The following ZPLD1 variants were observed in gnomAD, a reference collection of about 807,000 sequenced individuals.
The protein encoded by ZPLD1 is zona pellucida like domain containing 1, also known as zona pellucida-like domain-containing protein 1.
Under a neutral mutation model 47.2 loss-of-function variants are expected in ZPLD1, and 34 were observed. That is an observed-to-expected ratio of 0.72 (90% confidence interval 0.55 to 0.96). ZPLD1 has a LOEUF of 0.96. Among genes scored for constraint, ZPLD1 ranks in the 40% least tolerant of loss-of-function variants. ZPLD1 has a pLI of 0.00. For missense variants in ZPLD1, 512 were observed against 505.8 expected (o/e 1.01, Z -0.12); for synonymous variants, 176 against 186.2 (o/e 0.95, Z 0.45).
At chr3:102,430,539 C>CA (rs1445784728), upstream of ZPLD1, among the ~76,000 whole-genome samples, 1 of 151,968 alleles carries the variant, frequency 6.6e-6, no homozygotes, top group Admixed American at 6.6e-5. Flanking sequence ...AACTGCTCAC[C>CA]AAAAATATGT....
chr3:102,424,630 G>A (rs1706920343), intron 8 of ZPLD1, among the ~76,000 whole-genome samples: 1 of 150,828 alleles, frequency 6.6e-6, no homozygotes, highest in Non-Finnish European at 1.5e-5. Flanking sequence ...TTGCTGTCTT[G>A]TTCTAAACTG....
intron 6 of ZPLD1, among the ~76,000 whole-genome samples, chr3:102,459,332 C>A (rs1472609300): frequency 1.3e-5 from 2 of 151,916 alleles, no homozygotes; most frequent in Non-Finnish European, 2.9e-5. Context: ...TTGAGTGAGA[C>A]AAAGATGAGA....
intron 3 of ZPLD1, among the ~76,000 whole-genome samples, chr3:102,441,660 T>G (rs973389122): frequency 6.6e-6 from 1 of 152,118 alleles, no homozygotes; most frequent in Non-Finnish European, 1.5e-5. Context: ...CAGAATGTGA[T>G]TCACATCACA....
intron 10 of ZPLD1, among the ~76,000 whole-genome samples, chr3:102,474,822 G>A (rs1224674165): frequency 6.6e-6 from 1 of 151,992 alleles, no homozygotes; most frequent in Admixed American, 6.6e-5. Flanking sequence ...CAAAAGTTTG[G>A]TATTCCAATC....
chr3:102,397,439 T>C (rs1033726246), intron 7 of ZPLD1, among the ~76,000 whole-genome samples: 2 of 152,070 alleles, frequency 1.3e-5, no homozygotes, highest in Admixed American at 1.3e-4. Context: ...AGAAGGAGGA[T>C]TGATGGGAGA....
intron 10 of ZPLD1, among the ~76,000 whole-genome samples, chr3:102,472,377 C>T (rs1707698750): frequency 6.6e-6 from 1 of 151,996 alleles, no homozygotes; most frequent in African/African-American, 2.4e-5. Flanking sequence ...ACTAAAAATA[C>T]AGAAATTAGC....
At chr3:102,424,995 GT>G (rs5851307) in intron 8 of ZPLD1, among the ~76,000 whole-genome samples, 173 of 145,982 alleles carry the variant, frequency 1.2e-3, no homozygotes, top group South Asian at 6.4e-3. Context: ...AATAGCTGGG[GT>G]TTTTTTTTTT....
intron 7 of ZPLD1, among the ~76,000 whole-genome samples, chr3:102,412,117 A>G (rs1706753047): frequency 6.6e-6 from 1 of 151,722 alleles, no homozygotes; most frequent in Non-Finnish European, 1.5e-5. Flanking sequence ...AGGCGTTCAC[A>G]TTGGATGAGG....
chr3:102,401,591 T>G (rs917007311), intron 7 of ZPLD1, among the ~76,000 whole-genome samples: 2 of 152,104 alleles, frequency 1.3e-5, no homozygotes, highest in Non-Finnish European at 2.9e-5. Flanking sequence ...TCTAATGTTC[T>G]TTGAAATGAA....
chr3:102,448,879 TTGGTATACTTA>T (rs899188690), intron 3 of ZPLD1, among the ~76,000 whole-genome samples: 1 of 152,216 alleles, frequency 6.6e-6, no homozygotes, highest in African/African-American at 2.4e-5. Flanking sequence ...GGTATTCACT[TTGGTATACTTA>T]TGGTATATCA....
upstream of ZPLD1, among the ~76,000 whole-genome samples, chr3:102,431,377 A>G (rs1266751345): frequency 2.6e-5 from 4 of 152,184 alleles, no homozygotes; most frequent in African/African-American, 9.7e-5. Context: ...CTGAAAGTAC[A>G]TGGTGTGTTT....
chr3:102,438,944 A>G (rs1288064974), intron 3 of ZPLD1, among the ~76,000 whole-genome samples: 1 of 152,128 alleles, frequency 6.6e-6, no homozygotes, highest in Non-Finnish European at 1.5e-5. Context: ...ATATTTATTT[A>G]GGAATAATCT....
At chr3:102,388,371 A>C (rs576003840) in intron 6 of ZPLD1, among the ~76,000 whole-genome samples, 1 of 150,278 alleles carries the variant, frequency 6.7e-6, no homozygotes, top group Non-Finnish European at 1.5e-5. Flanking sequence ...ATAACTTATT[A>C]TTTGGGCTAT....
rs762163706 is a variant in ZPLD1, at chr3:102,469,057, G to A, written c.855G>A (p.Lys285=). The A allele has an allele frequency of 5.6e-6, 9 of 1,614,174 alleles. No homozygotes were observed. The South Asian group carries it at 9.9e-5, about 18-fold the overall frequency. ...AAGTGTTCCGATTTGTGAAACACAA[G>A]AATCAGAAAATGTCCACTGTCTTCT... ...SFEVFRFVKH[K]NQKMSTVFLH... Residue 285 remains lysine (K), a synonymous_variant, in exon 9 of 12, where the codon AAG becomes AAA. Transcript: ENST00000466937.
chr3:102,418,455 T>C (rs1051221696), intron 8 of ZPLD1, among the ~76,000 whole-genome samples: 2 of 151,956 alleles, frequency 1.3e-5, no homozygotes, highest in African/African-American at 4.8e-5. Context: ...GAAACAAAAT[T>C]GTATTTTGTA....
At chr3:102,476,072 T>G (rs567964165) in intron 10 of ZPLD1, among the ~76,000 whole-genome samples, 9 of 152,188 alleles carry the variant, frequency 5.9e-5, no homozygotes, top group Non-Finnish European at 1.2e-4. Flanking sequence ...AAAATGGGGG[T>G]AGCAATAATA....
chr3:102,388,267 A>C (rs1041441513), intron 6 of ZPLD1, among the ~76,000 whole-genome samples: 20 of 152,064 alleles, frequency 1.3e-4, no homozygotes, highest in Middle Eastern at 3.2e-3. Flanking sequence ...GACCTCCTGG[A>C]GGATATACTG....
intron 7 of ZPLD1, among the ~76,000 whole-genome samples, chr3:102,463,549 A>G (rs959216408): frequency 1.3e-5 from 2 of 152,146 alleles, no homozygotes; most frequent in Non-Finnish European, 2.9e-5. Flanking sequence ...AGATTTTTAA[A>G]CACTTTGAGT....
chr3:102,449,333 C>T (rs975482462), intron 3 of ZPLD1, among the ~76,000 whole-genome samples: 2 of 152,224 alleles, frequency 1.3e-5, no homozygotes, highest in East Asian at 3.8e-4. Context: ...CAATGTGGGT[C>T]ACGCTAATGT....
Sources: allele counts gnomAD v4.1 joint callset (sites outside exome capture counted in the v4.1 genomes callset), GRCh38; gene constraint gnomAD v4.1.1; transcripts MANE v1.5; gene names NCBI Gene and HGNC (gene_info 2026-07-23, HGNC 2026-07-21).